The following CTNNA2 variants were observed in gnomAD, a reference collection of about 807,000 sequenced individuals.
CTNNA2 encodes the protein catenin alpha 2, also known as catenin alpha-2.
Under a neutral mutation model 101.0 loss-of-function variants are expected in CTNNA2, and 42 were observed. That is an observed-to-expected ratio of 0.42 (90% CI 0.32 to 0.54). The LOEUF is 0.54. Among genes scored for constraint, CTNNA2 ranks in the 20% least tolerant of loss-of-function variants. CTNNA2 has a pLI of 0.14. For missense variants in CTNNA2, 871 were observed against 1,223.1 expected (o/e 0.71, Z 4.29); for synonymous variants, 450 against 456.4 (o/e 0.99, Z 0.18).
chr2:79,863,523 G>C (rs552731635), intron 4 of CTNNA2, among the ~76,000 whole-genome samples: 125 of 152,268 alleles, frequency 8.2e-4, no homozygotes, highest in African/African-American at 2.9e-3. Flanking sequence ...CCCCATCACA[G>C]AGTTGAGGGA....
chr2:79,916,974 T>C (rs1686281535), intron 7 of CTNNA2, among the ~76,000 whole-genome samples: 1 of 152,088 alleles, frequency 6.6e-6, no homozygotes, highest in South Asian at 2.1e-4. Context: ...TGAGACGGAG[T>C]CTGGCTCTAT....
chr2:80,448,022 C>G (rs1683208620), intron 9 of CTNNA2, among the ~76,000 whole-genome samples: 2 of 152,306 alleles, frequency 1.3e-5, no homozygotes, highest in South Asian at 4.1e-4. Context: ...GATAACTAAA[C>G]TCAACAAATC....
At chr2:79,231,139 G>A (rs1674486773) in intron 2 of CTNNA2, among the ~76,000 whole-genome samples, 1 of 152,132 alleles carries the variant, frequency 6.6e-6, no homozygotes, top group Admixed American at 6.6e-5. Flanking sequence ...TGAAATGTGA[G>A]GACATGAGAT....
At chr2:79,565,620 G>C (rs1227867009) in intron 1 of CTNNA2, among the ~76,000 whole-genome samples, 2 of 152,132 alleles carry the variant, frequency 1.3e-5, no homozygotes, top group Non-Finnish European at 1.5e-5. Flanking sequence ...TTGAGGCTTG[G>C]TGCTTCACTC....
chr2:80,462,627 C>CTTTTTTT lies in CTNNA2; in HGVS notation c.1290+43029_1290+43030insTTTTTTT, dbSNP rs1161384853. On this transcript the variant is annotated intron_variant, in intron 9 of 18. Transcript: ENST00000402739. ...TCTCCCTTCCTTTCCTTCTTTCTTT[C>CTTTTTTT]TTTCTTTTTTTTTTTTTTTTTTTTT... is the stretch of plus-strand genomic sequence containing the variant. 1.2e-3 allele frequency among the ~76,000 whole-genome samples: 137 copies of CTTTTTTT among 114,268 alleles called. 3 individuals are homozygous for CTTTTTTT. Among genetic ancestry groups the CTTTTTTT allele is most frequent in the African/African-American group, 4.6e-3 (123 of 26,860 alleles). The allele number at this position is 114,268 out of a possible 152,430, so 75.0% of individuals were successfully genotyped here.
At chr2:80,130,585 A>G (rs974903997) in intron 7 of CTNNA2, among the ~76,000 whole-genome samples, 1 of 152,208 alleles carries the variant, frequency 6.6e-6, no homozygotes, top group Non-Finnish European at 1.5e-5. Flanking sequence ...GTCAAAGTAG[A>G]GAAAGATTAA....
At chr2:80,194,923 A>T (rs1336914162) in intron 7 of CTNNA2, among the ~76,000 whole-genome samples, 2 of 151,886 alleles carry the variant, frequency 1.3e-5, no homozygotes, top group African/African-American at 4.8e-5. Flanking sequence ...CGATATTCAG[A>T]ATTCAAATTC....
intron 4 of CTNNA2, among the ~76,000 whole-genome samples, chr2:79,484,163 C>G (rs1671135315): frequency 6.6e-6 from 1 of 152,034 alleles, no homozygotes; most frequent in South Asian, 2.1e-4. Flanking sequence ...AGCACCTGAG[C>G]CCAGGAGATT....
At chr2:80,326,071 C>T (rs1001761469) in intron 7 of CTNNA2, among the ~76,000 whole-genome samples, 3 of 152,116 alleles carry the variant, frequency 2.0e-5, no homozygotes, top group Non-Finnish European at 4.4e-5. Flanking sequence ...ATAGAAGAAA[C>T]CCCATCATCA....
intron 7 of CTNNA2, among the ~76,000 whole-genome samples, chr2:80,322,386 A>G (rs1027487531): frequency 6.6e-6 from 1 of 152,042 alleles, no homozygotes; most frequent in Non-Finnish European, 1.5e-5. Context: ...TCCTCAGCTC[A>G]CTCTGCACGG....
intron 7 of CTNNA2, among the ~76,000 whole-genome samples, chr2:80,219,324 A>G (rs138240949): frequency 2.0e-5 from 3 of 152,338 alleles, no homozygotes; most frequent in Admixed American, 6.5e-5. Flanking sequence ...TCTATAATTC[A>G]ACCAAATTAT....
chr2:79,936,441 C>T (rs191324904), intron 7 of CTNNA2, among the ~76,000 whole-genome samples: 20 of 152,206 alleles, frequency 1.3e-4, no homozygotes, highest in African/African-American at 4.8e-4. Context: ...GAGTTACAGA[C>T]AACCCGACCC....
chr2:79,773,883 G>C (rs952254037), intron 3 of CTNNA2, among the ~76,000 whole-genome samples: 1 of 152,150 alleles, frequency 6.6e-6, no homozygotes, highest in Non-Finnish European at 1.5e-5. Flanking sequence ...GAGAGAGCCA[G>C]AGTTGATTCA....
At chr2:80,404,379 GA>G (rs1318911196) in intron 8 of CTNNA2, among the ~76,000 whole-genome samples, 1 of 151,662 alleles carries the variant, frequency 6.6e-6, no homozygotes, top group Non-Finnish European at 1.5e-5. Context: ...ATTATATAGA[GA>G]AAAAAATAGT....
chr2:79,960,001 T>G (rs978903059), intron 7 of CTNNA2, among the ~76,000 whole-genome samples: 3 of 152,218 alleles, frequency 2.0e-5, no homozygotes, highest in African/African-American at 7.2e-5. Flanking sequence ...TGTCTGAGTT[T>G]GGAATTCAAG....
chr2:80,193,102 A>G (rs1290739359), intron 7 of CTNNA2, among the ~76,000 whole-genome samples: 2 of 152,216 alleles, frequency 1.3e-5, no homozygotes, highest in African/African-American at 4.8e-5. Context: ...TCATATTCAT[A>G]AAATGAGCAG....
At chr2:79,754,853 A>G (rs1426967851) in intron 3 of CTNNA2, among the ~76,000 whole-genome samples, 1 of 151,824 alleles carries the variant, frequency 6.6e-6, no homozygotes, top group Non-Finnish European at 1.5e-5. Flanking sequence ...AGCGGAGGGG[A>G]TGTTTCCACT....
chr2:79,558,821 A>G (rs1044470559), intron 1 of CTNNA2, among the ~76,000 whole-genome samples: 1 of 151,930 alleles, frequency 6.6e-6, no homozygotes, highest in African/African-American at 2.4e-5. Context: ...GTGAATAAGA[A>G]TGAAACCTGA....
intron 9 of CTNNA2, among the ~76,000 whole-genome samples, chr2:80,428,823 A>C (rs1413726393): frequency 2.0e-5 from 3 of 152,152 alleles, no homozygotes; most frequent in African/African-American, 7.2e-5. Flanking sequence ...GTGAGACGCT[A>C]TCTCAAAAAC....
Sources: allele counts gnomAD v4.1 joint callset (sites outside exome capture counted in the v4.1 genomes callset), GRCh38; gene constraint gnomAD v4.1.1; transcripts MANE v1.5; gene names NCBI Gene and HGNC (gene_info 2026-07-23, HGNC 2026-07-21).